KCND2: variants seen among roughly 807,000 people sequenced by gnomAD.
KCND2 encodes the protein potassium voltage-gated channel subfamily D member 2.
A neutral mutation model predicts 54.4 loss-of-function variants in KCND2; 16 were observed. That is an observed-to-expected ratio of 0.29 (90% CI 0.20 to 0.45). KCND2 has a LOEUF of 0.45. KCND2 is among the 20% of genes least tolerant of loss of function. KCND2 has a pLI of 1.00. For synonymous variants in KCND2, 317 were observed against 310.7 expected, an observed-to-expected ratio of 1.02 and a Z score of -0.21; for missense variants, 486 against 824.2, an observed-to-expected ratio of 0.59 and a Z score of 5.02.
At chr7:120,509,994 C>T (rs1267678153) in intron 1 of KCND2, among the ~76,000 whole-genome samples, 3 of 152,024 alleles carry the variant, frequency 2.0e-5, no homozygotes, top group East Asian at 1.9e-4. Context: ...CAAGACCCTA[C>T]AGGAAGCAAT....
chr7:120,679,285 G>A (rs994047321), intron 1 of KCND2, among the ~76,000 whole-genome samples: 1 of 151,192 alleles, frequency 6.6e-6, no homozygotes, highest in Non-Finnish European at 1.5e-5. Flanking sequence ...AATGAGTTTT[G>A]TTGCCCCAAA....
At chr7:120,287,380 T>G (rs1799361399) in intron 1 of KCND2, among the ~76,000 whole-genome samples, 2 of 152,154 alleles carry the variant, frequency 1.3e-5, no homozygotes, top group Admixed American at 1.3e-4. Context: ...GAATACTTAT[T>G]AAAAATGAAT....
intron 1 of KCND2, among the ~76,000 whole-genome samples, chr7:120,562,159 A>T (rs1428607397): frequency 6.6e-6 from 1 of 152,210 alleles, no homozygotes; most frequent in South Asian, 2.1e-4. Flanking sequence ...AGTTAAAAAT[A>T]TGAATATGGC....
rs141508363 is a variant in KCND2, at chr7:120,722,823, A to G, written c.1116-10080A>G. Among the ~76,000 whole-genome samples the G allele has an allele frequency of 1.6e-4, 24 of 152,294 alleles. No individual in the cohort carries two copies. The East Asian group carries it at 4.5e-3, about 28-fold the overall frequency. On this transcript the variant is annotated intron_variant, in intron 1 of 5. Transcript: ENST00000331113. ...CCCCTAAGGCTGGCACTGCAGGCAT[A>G]CACCTGGGGACCAGCTTCTCTGTCT... is the stretch of plus-strand genomic sequence containing the variant.
chr7:120,551,103 G>A (rs929728717), intron 1 of KCND2, among the ~76,000 whole-genome samples: 2 of 152,054 alleles, frequency 1.3e-5, no homozygotes, highest in African/African-American at 2.4e-5. Context: ...AAATAAATGC[G>A]CAGAGCTCTT....
At chr7:120,578,966 GAAAT>G (rs1228715035) in intron 1 of KCND2, among the ~76,000 whole-genome samples, 2 of 146,824 alleles carry the variant, frequency 1.4e-5, no homozygotes, top group African/African-American at 2.7e-5. Context: ...AAGAAATAAA[GAAAT>G]AAAGTTTGTA....
At chr7:120,374,705 C>T (rs1008360261) in intron 1 of KCND2, among the ~76,000 whole-genome samples, 2 of 151,840 alleles carry the variant, frequency 1.3e-5, no homozygotes, top group Non-Finnish European at 2.9e-5. Flanking sequence ...CTTTCAGCCT[C>T]ATAGCCTGTA....
At chr7:120,463,454 T>C (rs1045210651) in intron 1 of KCND2, among the ~76,000 whole-genome samples, 1 of 150,804 alleles carries the variant, frequency 6.6e-6, no homozygotes, top group Admixed American at 6.7e-5. Context: ...TTGCCAGTAA[T>C]ACATTGTGTT....
At chr7:120,587,279 G>A (rs1370817850) in intron 1 of KCND2, among the ~76,000 whole-genome samples, 1 of 152,138 alleles carries the variant, frequency 6.6e-6, no homozygotes, top group Non-Finnish European at 1.5e-5. Context: ...ACCAAATCCA[G>A]CAGAGAAGTA....
intron 1 of KCND2, among the ~76,000 whole-genome samples, chr7:120,516,592 C>T (rs1034130206): frequency 2.0e-5 from 3 of 152,026 alleles, no homozygotes; most frequent in Admixed American, 6.6e-5. Context: ...TACTCACATC[C>T]AGAAATGACT....
chr7:120,484,802 T>C (rs557928352), intron 1 of KCND2, among the ~76,000 whole-genome samples: 1 of 151,666 alleles, frequency 6.6e-6, no homozygotes, highest in Non-Finnish European at 1.5e-5. Context: ...AAAAGTAAAA[T>C]TTTTGCATTT....
At chr7:120,732,228 G>A (rs1269415968) in intron 1 of KCND2, among the ~76,000 whole-genome samples, 1 of 152,080 alleles carries the variant, frequency 6.6e-6, no homozygotes, top group Non-Finnish European at 1.5e-5. Flanking sequence ...TAAGGGGAAA[G>A]GAGGCAGAAA....
intron 1 of KCND2, among the ~76,000 whole-genome samples, chr7:120,401,859 CTT>C (rs1801258741): frequency 6.6e-6 from 1 of 152,098 alleles, no homozygotes; most frequent in Non-Finnish European, 1.5e-5. Flanking sequence ...CTCTGAATAA[CTT>C]ATATCCTAAA....
At chr7:120,535,108 T>A (rs1191793296) in intron 1 of KCND2, among the ~76,000 whole-genome samples, 1 of 152,190 alleles carries the variant, frequency 6.6e-6, no homozygotes, top group Non-Finnish European at 1.5e-5. Context: ...TATAGTAATC[T>A]TCTGGAGAAT....
intron 1 of KCND2, among the ~76,000 whole-genome samples, chr7:120,353,132 A>ATTTTTTTTTTT (rs1491194211): frequency 1.3e-5 from 1 of 75,040 alleles, no homozygotes; most frequent in Non-Finnish European, 2.9e-5. Context: ...AAATACTTTT[A>ATTTTTTTTTTT]CTTTTTTTTT....
intron 1 of KCND2, among the ~76,000 whole-genome samples, chr7:120,389,397 C>T (rs1293550348): frequency 6.6e-6 from 1 of 151,792 alleles, no homozygotes; most frequent in Non-Finnish European, 1.5e-5. Context: ...AATCCACTCT[C>T]TTAGGAAATT....
At chr7:120,578,584 TA>T (rs929880799) in intron 1 of KCND2, among the ~76,000 whole-genome samples, 1 of 152,068 alleles carries the variant, frequency 6.6e-6, no homozygotes, top group Non-Finnish European at 1.5e-5. Context: ...ATACAAAAAT[TA>T]GCCAGGCGCA....
At chr7:120,512,733 G>A (rs2116334018) in intron 1 of KCND2, among the ~76,000 whole-genome samples, 1 of 151,914 alleles carries the variant, frequency 6.6e-6, no homozygotes, top group East Asian at 1.9e-4. Context: ...CATAAAGGCA[G>A]GGAAGATAGA....
chr7:120,346,783 A>G (rs1343134180), intron 1 of KCND2, among the ~76,000 whole-genome samples: 1 of 151,592 alleles, frequency 6.6e-6, no homozygotes, highest in South Asian at 2.1e-4. Flanking sequence ...TTGTTAGGTA[A>G]TGTAGCACAG....
Sources: allele counts gnomAD v4.1 joint callset (sites outside exome capture counted in the v4.1 genomes callset), GRCh38; gene constraint gnomAD v4.1.1; transcripts MANE v1.5; gene names NCBI Gene and HGNC (gene_info 2026-07-23, HGNC 2026-07-21).